STK33: variants seen among roughly 807,000 people sequenced by gnomAD.
The protein encoded by STK33 is serine/threonine kinase 33.
Under a neutral mutation model 58.0 loss-of-function variants are expected in STK33, and 52 were observed. That is an observed-to-expected ratio of 0.90 (90% CI 0.72 to 1.13). The LOEUF is 1.13. Among genes scored for constraint, STK33 ranks in the 50% most tolerant of loss-of-function variants. STK33 has a pLI of 0.00. For missense variants in STK33, 630 were observed against 604.2 expected, an observed-to-expected ratio of 1.04 and a Z score of -0.45; for synonymous variants, 215 against 200.1, an observed-to-expected ratio of 1.07 and a Z score of -0.63.
intron 7 of STK33, among the ~76,000 whole-genome samples, chr11:8,462,607 C>G (rs1288064503): frequency 6.6e-6 from 1 of 151,550 alleles, no homozygotes; most frequent in Non-Finnish European, 1.5e-5. Flanking sequence ...GAGAGACAGA[C>G]AGACAAAGAG....
intron 14 of STK33, among the ~76,000 whole-genome samples, chr11:8,428,634 C>T (rs1564931960): frequency 6.6e-6 from 1 of 152,306 alleles, no homozygotes; most frequent in East Asian, 1.9e-4. Context: ...TATGTCAAAA[C>T]TCCTTCCGTT....
intron 1 of STK33, among the ~76,000 whole-genome samples, chr11:8,527,506 A>ACTG (rs1954153958): frequency 6.6e-6 from 1 of 151,774 alleles, no homozygotes; most frequent in Non-Finnish European, 1.5e-5. Flanking sequence ...ATCCCAAGGT[A>ACTG]TTTCCCCAGG....
the STK33 span, among the ~76,000 whole-genome samples, chr11:8,369,571 T>C: frequency 6.6e-6 from 1 of 151,950 alleles, no homozygotes; most frequent in Non-Finnish European, 1.5e-5. Flanking sequence ...GGGCAGCACC[T>C]AGCCTCAGTT....
chr11:8,346,300 G>A, the STK33 span, among the ~76,000 whole-genome samples: 2 of 152,226 alleles, frequency 1.3e-5, no homozygotes, highest in Non-Finnish European at 2.9e-5. Flanking sequence ...AGCCCCAGGT[G>A]ACCCTGCGGG....
intron 13 of STK33, 93 bp downstream of exon 13, chr11:8,435,934 G>T: frequency 1.6e-6 from 1 of 615,832 alleles, no homozygotes; most frequent in Admixed American, 3.8e-5. Context: ...TAAATTTAAT[G>T]ACTAAACAGA....
At chr11:8,510,288 C>T (rs1952207754) in intron 1 of STK33, among the ~76,000 whole-genome samples, 1 of 152,076 alleles carries the variant, frequency 6.6e-6, no homozygotes, top group African/African-American at 2.4e-5. Flanking sequence ...TGTTGGCTGT[C>T]TGTATATCTT....
intron 8 of STK33, among the ~76,000 whole-genome samples, chr11:8,458,881 G>A (rs767602120): frequency 4.6e-5 from 7 of 152,196 alleles, no homozygotes; most frequent in Non-Finnish European, 8.8e-5. Context: ...TGTTCAATCA[G>A]TAAGTATGAA....
intron 1 of STK33, among the ~76,000 whole-genome samples, chr11:8,489,203 G>A (rs1484293321): frequency 7.1e-6 from 1 of 140,324 alleles, no homozygotes; most frequent in Non-Finnish European, 1.5e-5. Context: ...GCTTCAGTGA[G>A]CTATGATCAC....
chr11:8,506,136 C>T (rs112768177), intron 1 of STK33, among the ~76,000 whole-genome samples: 123 of 152,242 alleles, frequency 8.1e-4, no homozygotes, highest in African/African-American at 2.6e-3. Context: ...TCACAATCTC[C>T]GTAAATTCAA....
intron 1 of STK33, among the ~76,000 whole-genome samples, chr11:8,511,400 G>A (rs1565229929): frequency 6.6e-6 from 1 of 151,970 alleles, no homozygotes; most frequent in South Asian, 2.1e-4. Context: ...GGCTTTCTAG[G>A]TATATGATCA....
chr11:8,503,157 A>G (rs1951635361), intron 1 of STK33, among the ~76,000 whole-genome samples: 1 of 152,176 alleles, frequency 6.6e-6, no homozygotes, highest in East Asian at 1.9e-4. Flanking sequence ...ATAAAGACAC[A>G]TGTATGCATA....
At chr11:8,592,335 A>C (rs2032748065) in intron 1 of STK33, among the ~76,000 whole-genome samples, 1 of 152,212 alleles carries the variant, frequency 6.6e-6, no homozygotes, top group Non-Finnish European at 1.5e-5. Context: ...CCAATACAAA[A>C]ACCATCAAAA....
the STK33 span, among the ~76,000 whole-genome samples, chr11:8,363,380 T>A: frequency 1.3e-5 from 2 of 152,164 alleles, no homozygotes; most frequent in Non-Finnish European, 2.9e-5. Flanking sequence ...AATTTACATA[T>A]GCCTGAAACC....
At chr11:8,480,365 G>A (rs1258607049) in intron 2 of STK33, 45 bp downstream of exon 2, 1 of 152,192 alleles carries the variant, frequency 6.6e-6, no homozygotes, top group Non-Finnish European at 1.5e-5. Context: ...GATCATCTGA[G>A]ATGTAGCAGA....
chr11:8,343,566 G>C, the STK33 span, among the ~76,000 whole-genome samples: 4 of 152,216 alleles, frequency 2.6e-5, no homozygotes, highest in South Asian at 8.3e-4. Context: ...AACAGGGAAA[G>C]GGTGGGGACT....
chr11:8,388,230 T>A (rs911843899), downstream of STK33, among the ~76,000 whole-genome samples: 1 of 152,062 alleles, frequency 6.6e-6, no homozygotes, highest in Non-Finnish European at 1.5e-5. Flanking sequence ...ATCTTCCCAA[T>A]GGGGCAGTGG....
chr11:8,456,251 T>C (rs1946848474), intron 9 of STK33, among the ~76,000 whole-genome samples: 2 of 152,208 alleles, frequency 1.3e-5, no homozygotes, highest in Non-Finnish European at 2.9e-5. Flanking sequence ...GCCTTTTTAA[T>C]TTTTTTCTGA....
chr11:8,583,235 T>C lies in STK33; in HGVS notation c.-466+10848A>G, dbSNP rs544835335. Among the ~76,000 whole-genome samples the C allele has an allele frequency of 2.6e-5, 4 of 152,318 alleles. No individual in the cohort carries two copies. The East Asian group carries it at 7.7e-4, about 29-fold the overall frequency. ...GTCATACCTCCTAGAGGTTGTCTTT[T>C]CTACAACCCCAACACACTCACCTGT... On this transcript the variant is annotated intron_variant, in intron 1 of 15. Coordinates refer to ENST00000687296, the MANE Select transcript of STK33 (RefSeq NM_001352389.2).
chr11:8,441,072 G>A (rs1438171563), intron 11 of STK33, among the ~76,000 whole-genome samples: 1 of 152,074 alleles, frequency 6.6e-6, no homozygotes, highest in Non-Finnish European at 1.5e-5. Flanking sequence ...CAATATCCCA[G>A]CCCTTTCCAC....
Sources: allele counts gnomAD v4.1 joint callset (sites outside exome capture counted in the v4.1 genomes callset), GRCh38; gene constraint gnomAD v4.1.1; transcripts MANE v1.5; gene names NCBI Gene and HGNC (gene_info 2026-07-23, HGNC 2026-07-21).